Variants in NBEA observed in about 807,000 individuals in gnomAD.
NBEA encodes the protein lysosomal-trafficking regulator 2.
In NBEA, 44 loss-of-function variants were observed where a neutral mutation model predicts 343.4. The observed-to-expected ratio is 0.13, with a 90% CI of 0.10 to 0.16. The LOEUF is 0.16. Ranked by LOEUF, NBEA falls within the 10% of genes least tolerant of loss-of-function variation. The pLI, the probability that NBEA is intolerant of heterozygous loss-of-function variation, is 1.00. For missense variants in NBEA, 2,555 were observed against 3,631.3 expected, an observed-to-expected ratio of 0.70 and a Z score of 7.62; for synonymous variants, 1,175 against 1,238.7, an observed-to-expected ratio of 0.95 and a Z score of 1.08.
chr13:35,120,425 G>A (rs1227208921), intron 16 of NBEA, among the ~76,000 whole-genome samples: 2 of 152,096 alleles, frequency 1.3e-5, no homozygotes, highest in African/African-American at 4.8e-5. Context: ...CAAAAATGTG[G>A]AGAAAGCTGG....
At chr13:35,034,359 C>G (rs2062358640) in intron 1 of NBEA, among the ~76,000 whole-genome samples, 2 of 151,788 alleles carry the variant, frequency 1.3e-5, no homozygotes, top group African/African-American at 2.4e-5. Context: ...GGGATAAATC[C>G]CATTTGATCA....
intron 1 of NBEA, among the ~76,000 whole-genome samples, chr13:35,025,051 T>C (rs1355700642): frequency 6.6e-6 from 1 of 152,210 alleles, no homozygotes. Flanking sequence ...TTGTTCATAT[T>C]TCTTATAGAT....
In NBEA at chr13:35,501,467, T is replaced by C. The variant is rs375544589; in HGVS notation, c.6585+28931T>C. Among the ~76,000 whole-genome samples the C allele has an allele frequency of 2.4e-3, 366 of 152,244 alleles. 2 individuals carry two copies. Among genetic ancestry groups the C allele is most frequent in the African/African-American group, 8.2e-3 (342 of 41,554 alleles). ...TTTGGGCTCTCCATTTTTAAAAATG[T>C]AAATGTCTTCTTGTTATTTTTCAAA... is the stretch of plus-strand genomic sequence containing the variant. On this transcript the variant is annotated intron_variant, in intron 41 of 58. Coordinates refer to ENST00000379939, the MANE Select transcript of NBEA (RefSeq NM_001385012.1).
intron 41 of NBEA, among the ~76,000 whole-genome samples, chr13:35,548,526 G>T (rs574767412): frequency 6.6e-6 from 1 of 152,198 alleles, no homozygotes; most frequent in South Asian, 2.1e-4. Context: ...GTATAAGGGT[G>T]CCAACACAGC....
chr13:35,537,835 G>T (rs1046968160), intron 41 of NBEA, among the ~76,000 whole-genome samples: 1 of 152,220 alleles, frequency 6.6e-6, no homozygotes, highest in Non-Finnish European at 1.5e-5. Flanking sequence ...TTCATCTGGA[G>T]CAGGAGACCT....
chr13:35,127,201 C>T (rs1328547465), intron 17 of NBEA, among the ~76,000 whole-genome samples: 4 of 152,000 alleles, frequency 2.6e-5, no homozygotes, highest in South Asian at 4.1e-4. Context: ...TCTAAAATAA[C>T]CTTCAATACA....
intron 38 of NBEA, among the ~76,000 whole-genome samples, chr13:35,411,958 T>C (rs2043613777): frequency 1.3e-5 from 2 of 152,146 alleles, no homozygotes; most frequent in Admixed American, 1.3e-4. Flanking sequence ...ATTTGGTACT[T>C]GTTCTTAGTT....
chr13:35,348,940 T>G (rs1019889765), intron 36 of NBEA, among the ~76,000 whole-genome samples, 168 bp from the exon 37 acceptor site: 13 of 152,070 alleles, frequency 8.5e-5, no homozygotes, highest in Non-Finnish European at 4.4e-5. Flanking sequence ...TTATGACATC[T>G]TTCTATATTT....
At chr13:35,324,562 T>C (rs1367544512) in intron 36 of NBEA, among the ~76,000 whole-genome samples, 1 of 152,174 alleles carries the variant, frequency 6.6e-6, no homozygotes, top group Non-Finnish European at 1.5e-5. Context: ...TTACAATGTA[T>C]CTTAAAAAAC....
At chr13:35,453,305 C>A (rs1268288104) in intron 40 of NBEA, among the ~76,000 whole-genome samples, 1 of 152,110 alleles carries the variant, frequency 6.6e-6, no homozygotes, top group Non-Finnish European at 1.5e-5. Context: ...AATGCTAGTT[C>A]CTAGATATTT....
chr13:35,321,288 T>G (rs553543332), intron 36 of NBEA, among the ~76,000 whole-genome samples: 1 of 152,302 alleles, frequency 6.6e-6, no homozygotes, highest in South Asian at 2.1e-4. Flanking sequence ...GTGGGCGTCC[T>G]TTTTGTTGAT....
At chr13:35,542,118 G>A (rs1017423865) in intron 41 of NBEA, among the ~76,000 whole-genome samples, 2 of 147,450 alleles carry the variant, frequency 1.4e-5, no homozygotes, top group Non-Finnish European at 1.5e-5. Context: ...CGGATGGGCT[G>A]CCTATATTTC....
intron 6 of NBEA, 30 bp downstream of exon 6, chr13:35,050,425 AC>A: frequency 6.3e-7 from 1 of 1,589,044 alleles, no homozygotes; most frequent in Non-Finnish European, 8.6e-7. Flanking sequence ...TTTATAACTC[AC>A]CTGTTATGAC....
chr13:35,125,559 G>A (rs957530703), intron 17 of NBEA, among the ~76,000 whole-genome samples: 2 of 152,130 alleles, frequency 1.3e-5, no homozygotes, highest in African/African-American at 4.8e-5. Context: ...ATAGAGAAAG[G>A]AAAGTTTGTG....
chr13:34,988,612 A>T (rs2060643366), intron 1 of NBEA, among the ~76,000 whole-genome samples: 1 of 150,886 alleles, frequency 6.6e-6, no homozygotes, highest in African/African-American at 2.4e-5. Flanking sequence ...CAGACATGGG[A>T]TATAATCTCC....
At chr13:35,024,515 A>T (rs922399884) in intron 1 of NBEA, among the ~76,000 whole-genome samples, 5 of 151,842 alleles carry the variant, frequency 3.3e-5, no homozygotes, top group Non-Finnish European at 7.4e-5. Flanking sequence ...CCACTGAAAA[A>T]AAAACAAAAC....
At chr13:35,300,390 T>A (rs180899539) in intron 35 of NBEA, among the ~76,000 whole-genome samples, 1 of 152,270 alleles carries the variant, frequency 6.6e-6, no homozygotes, top group Admixed American at 6.5e-5. Flanking sequence ...TAAAAGAATA[T>A]AATCATTGCC....
rs909191972 is a variant in NBEA, at chr13:35,654,720, A to C, written c.8036-135A>C. 16 of 613,224 alleles carry C rather than the reference A, an allele frequency of 2.6e-5. No individual in the cohort carries two copies. The African/African-American group carries it at 2.9e-4, about 11-fold the overall frequency. The allele number at this position is 613,224 out of a possible 1,614,324, so 38.0% of individuals were successfully genotyped here. A position where few individuals can be genotyped will look rare whatever the true frequency, so the allele number is the denominator to read the frequency against. ...GGAAATTTATATTCCTCAAGGGAGA[A>C]TCTTAATAATCTCATACCATTAAAA... is the stretch of plus-strand genomic sequence containing the variant. On this transcript the variant is annotated intron_variant, in intron 53 of 58. Coordinates refer to ENST00000379939, the MANE Select transcript of NBEA (RefSeq NM_001385012.1).
chr13:35,319,639 G>C (rs2037998120), intron 36 of NBEA, among the ~76,000 whole-genome samples: 2 of 152,124 alleles, frequency 1.3e-5, no homozygotes, highest in Non-Finnish European at 2.9e-5. Flanking sequence ...TTTAAGTCCT[G>C]AACATCCTTG....
Sources: allele counts gnomAD v4.1 joint callset (sites outside exome capture counted in the v4.1 genomes callset), GRCh38; gene constraint gnomAD v4.1.1; transcripts MANE v1.5; gene names NCBI Gene and HGNC (gene_info 2026-07-23, HGNC 2026-07-21).